The following RANBP2 variants were observed in gnomAD, a reference collection of about 807,000 sequenced individuals.
The protein encoded by RANBP2 is E3 SUMO-protein ligase RanBP2.
A neutral mutation model predicts 303.6 loss-of-function variants in RANBP2; 57 were observed. The ratio of observed to expected loss-of-function variants is 0.19; its 90% CI spans 0.15 to 0.23. The LOEUF (loss-of-function observed/expected upper bound fraction) is 0.23. Ranked by LOEUF, RANBP2 falls within the 10% of genes least tolerant of loss-of-function variation. The pLI is 1.00. For missense variants in RANBP2, 3,138 were observed against 3,780.8 expected (o/e 0.83, Z 4.46); for synonymous variants, 1,167 against 1,301.5 (o/e 0.90, Z 2.23).
chr2:108,777,254 T>C (rs372051708), intron 25 of RANBP2, 23 bp downstream of exon 25: 4 of 1,567,538 alleles, frequency 2.6e-6, no homozygotes, highest in Non-Finnish European at 3.5e-6. Flanking sequence ...GGAGAGACTT[T>C]TAATGACATT....
chr2:109,178,169 A>G, the RANBP2 span, among the ~76,000 whole-genome samples: 1 of 152,232 alleles, frequency 6.6e-6, no homozygotes, highest in Non-Finnish European at 1.5e-5. Context: ...AGGAAAAAAT[A>G]TGAGGCACCA....
At chr2:108,838,722 C>T in the RANBP2 span, among the ~76,000 whole-genome samples, 1 of 152,016 alleles carries the variant, frequency 6.6e-6, no homozygotes, top group African/African-American at 2.4e-5. Context: ...TTTCTGAAAT[C>T]CAGCATTTTA....
the RANBP2 span, among the ~76,000 whole-genome samples, chr2:109,445,721 T>C: frequency 6.6e-6 from 1 of 151,730 alleles, no homozygotes; most frequent in Non-Finnish European, 1.5e-5. Context: ...CCAGAGTCCT[T>C]GTGACTGGAA....
chr2:109,654,578 T>G, the RANBP2 span, among the ~76,000 whole-genome samples: 1 of 152,104 alleles, frequency 6.6e-6, no homozygotes, highest in East Asian at 1.9e-4. Flanking sequence ...CCCAAAGCCT[T>G]GCTTTTCACT....
At chr2:109,421,271 G>A in the RANBP2 span, among the ~76,000 whole-genome samples, 4 of 152,220 alleles carry the variant, frequency 2.6e-5, no homozygotes, top group Admixed American at 2.0e-4. Context: ...GTGCTTCAAG[G>A]GCAAAGCCCA....
chr2:109,103,803 T>C, the RANBP2 span, among the ~76,000 whole-genome samples: 1 of 151,822 alleles, frequency 6.6e-6, no homozygotes, highest in Non-Finnish European at 1.5e-5. Flanking sequence ...CTTTTCTTTT[T>C]TTTTTTTTGA....
At chr2:109,541,125 CA>C in the RANBP2 span, among the ~76,000 whole-genome samples, 1 of 152,180 alleles carries the variant, frequency 6.6e-6, no homozygotes. Flanking sequence ...TTACACACAT[CA>C]CCATGTTTCA....
chr2:108,785,857 C>T (rs2149342414), downstream of RANBP2: 1 of 152,266 alleles, frequency 6.6e-6, no homozygotes, highest in African/African-American at 2.4e-5. Flanking sequence ...AAGTAATTTT[C>T]AGATAATAAC....
chr2:109,710,539 G>T, the RANBP2 span, among the ~76,000 whole-genome samples: 1 of 152,282 alleles, frequency 6.6e-6, no homozygotes, highest in African/African-American at 2.4e-5. Context: ...GCACAAGGTG[G>T]GGCTGAAGGC....
chr2:109,705,074 AAAATAAATAAATAAATAAATAAAT>A, the RANBP2 span, among the ~76,000 whole-genome samples: 1 of 144,872 alleles, frequency 6.9e-6, no homozygotes, highest in Non-Finnish European at 1.5e-5. Flanking sequence ...ACTCCCTCTC[AAAATAAATAAATAAATAAATAAAT>A]AAATAAATAA....
chr2:109,130,031 C>T, the RANBP2 span: 5 of 1,342,844 alleles, frequency 3.7e-6, no homozygotes, highest in Admixed American at 3.7e-5. Context: ...CCGGGTTCCC[C>T]GGTTTTCCTC....
chr2:109,123,373 T>C, the RANBP2 span, among the ~76,000 whole-genome samples: 2 of 142,092 alleles, frequency 1.4e-5, no homozygotes, highest in African/African-American at 2.5e-5. Context: ...CTTCCTTCCA[T>C]CCTTCTCTCC....
chr2:109,049,014 T>C, the RANBP2 span, among the ~76,000 whole-genome samples: 1 of 152,248 alleles, frequency 6.6e-6, no homozygotes, highest in Non-Finnish European at 1.5e-5. Flanking sequence ...TGTTTACAAC[T>C]ATTAAATGTG....
the RANBP2 span, among the ~76,000 whole-genome samples, chr2:108,957,049 C>G: frequency 6.6e-6 from 1 of 152,234 alleles, no homozygotes; most frequent in Non-Finnish European, 1.5e-5. Flanking sequence ...CTCGGCCTCC[C>G]AAAGTGCTGG....
chr2:109,001,868 T>C, the RANBP2 span, among the ~76,000 whole-genome samples: 7 of 151,664 alleles, frequency 4.6e-5, no homozygotes, highest in Non-Finnish European at 7.4e-5. Context: ...TAGCTGGGAC[T>C]ATAGGCGCCC....
chr2:109,721,672 G>A, the RANBP2 span, among the ~76,000 whole-genome samples: 10 of 152,290 alleles, frequency 6.6e-5, no homozygotes, highest in South Asian at 2.1e-4. Context: ...TCAATCCACC[G>A]CTTTTTAACT....
At chr2:109,104,061 TGAG>T in the RANBP2 span, among the ~76,000 whole-genome samples, 30 of 152,354 alleles carry the variant, frequency 2.0e-4, no homozygotes, top group Non-Finnish European at 4.3e-4. Flanking sequence ...CCCGAAGTGC[TGAG>T]ATTACAGGCA....
the RANBP2 span, among the ~76,000 whole-genome samples, chr2:109,277,457 G>C: frequency 6.6e-6 from 1 of 152,168 alleles, no homozygotes; most frequent in Non-Finnish European, 1.5e-5. Context: ...AGTATCTCCC[G>C]TGAAGAGTCC....
the RANBP2 span, among the ~76,000 whole-genome samples, chr2:109,688,652 G>A: frequency 6.6e-6 from 1 of 151,398 alleles, no homozygotes; most frequent in South Asian, 2.1e-4. Flanking sequence ...AGTGGCGCAC[G>A]CCTGTAGTCC....
Sources: allele counts gnomAD v4.1 joint callset (sites outside exome capture counted in the v4.1 genomes callset), GRCh38; gene constraint gnomAD v4.1.1; transcripts MANE v1.5; gene names NCBI Gene and HGNC (gene_info 2026-07-23, HGNC 2026-07-21).